PTPN13: variants seen among roughly 807,000 people sequenced by gnomAD.
The protein encoded by PTPN13 is protein tyrosine phosphatase non-receptor type 13, also known as tyrosine-protein phosphatase non-receptor type 13.
Under a neutral mutation model 284.0 loss-of-function variants are expected in PTPN13, and 191 were observed. The observed-to-expected ratio is 0.67, with a 90% CI of 0.60 to 0.76. The LOEUF is 0.76. PTPN13 is among the 30% of genes least tolerant of loss of function. PTPN13 has a pLI of 0.00. For missense variants in PTPN13, 2,797 were observed against 2,939.9 expected (o/e 0.95, Z 1.12); for synonymous variants, 986 against 1,022.3 (o/e 0.96, Z 0.68).
At chr4:86,779,888 A>G (rs962593121) in intron 35 of PTPN13, among the ~76,000 whole-genome samples, 39 of 152,174 alleles carry the variant, frequency 2.6e-4, no homozygotes, top group African/African-American at 9.4e-4. Context: ...CTTTAATTTA[A>G]AAGAAAAACA....
At chr4:86,793,892 A>G (rs1742986725) in intron 40 of PTPN13, among the ~76,000 whole-genome samples, 1 of 145,582 alleles carries the variant, frequency 6.9e-6, no homozygotes, top group Non-Finnish European at 1.5e-5. Context: ...AATCCCCACA[A>G]GAGAAAGAAG....
rs934605257 is a variant in PTPN13 at position 86,731,471 on chromosome 4, G to A, written c.1609-929G>A. On this transcript the variant is annotated intron_variant, in intron 10 of 47. Transcript: ENST00000411767. ...TTTCCTGAAATATTTTCTTGCTGGG[G>A]ACATTGGCAGGGGTCAGAGACTATG... Among the ~76,000 whole-genome samples the A allele has an allele frequency of 2.0e-5, 3 of 152,258 alleles. No homozygotes were observed. In the East Asian group the frequency reaches 5.8e-4, roughly 29 times the overall value.
intron 2 of PTPN13, among the ~76,000 whole-genome samples, chr4:86,670,006 G>T (rs1022799323): frequency 2.0e-5 from 3 of 151,762 alleles, no homozygotes; most frequent in African/African-American, 7.3e-5. Flanking sequence ...ATTGGCAGTA[G>T]TGAGCGAAAG....
intron 37 of PTPN13, 140 bp from the exon 38 acceptor site, chr4:86,784,325 T>G: frequency 1.7e-6 from 1 of 571,640 alleles, no homozygotes; most frequent in Non-Finnish European, 3.0e-6. Context: ...TGATATTTCC[T>G]TTCAAACACT....
chr4:86,794,443 A>G lies in PTPN13; in HGVS notation c.6346-2431A>G, dbSNP rs180763167. On this transcript the variant is annotated intron_variant, in intron 40 of 47. Transcript: ENST00000411767. ...ACATTCCATGCTCATGGATAGGAAG[A>G]ATCAATATCGTGAAAATGGCCATAC... is the stretch of plus-strand genomic sequence containing the variant. Among the ~76,000 whole-genome samples, 736 of 152,342 alleles carry G rather than the reference A, an allele frequency of 4.8e-3. 5 individuals are homozygous for G. The highest frequency in any genetic ancestry group is 0.016 in the African/African-American group (674 of 41,568).
At chr4:86,707,963 C>G (rs1010145639) in intron 7 of PTPN13, among the ~76,000 whole-genome samples, 14 of 152,104 alleles carry the variant, frequency 9.2e-5, no homozygotes, top group African/African-American at 3.4e-4. Context: ...TAGATAGAAT[C>G]AACATCTTAG....
chr4:86,784,408 C>T (rs952473417), intron 37 of PTPN13, 57 bp from the exon 38 acceptor site: 13 of 1,198,158 alleles, frequency 1.1e-5, no homozygotes, highest in Admixed American at 4.7e-5. Context: ...TGCAGTCCCC[C>T]GATCCTGGAA....
At chr4:86,651,266 A>C (rs1053666241) in intron 2 of PTPN13, among the ~76,000 whole-genome samples, 2 of 152,204 alleles carry the variant, frequency 1.3e-5, no homozygotes, top group African/African-American at 4.8e-5. Flanking sequence ...GATGAATCCC[A>C]CTTGAACATA....
chr4:86,710,100 G>A (rs958548823), intron 7 of PTPN13, among the ~76,000 whole-genome samples: 1 of 152,056 alleles, frequency 6.6e-6, no homozygotes, highest in Admixed American at 6.6e-5. Flanking sequence ...CTCCCATAAA[G>A]GAAGCATAGA....
At chr4:86,724,138 T>A (rs980858174) in intron 10 of PTPN13, among the ~76,000 whole-genome samples, 1 of 152,236 alleles carries the variant, frequency 6.6e-6, no homozygotes, top group Non-Finnish European at 1.5e-5. Flanking sequence ...AAATGTGGAA[T>A]TGGATTGTAG....
chr4:86,767,712 A>G, intron 27 of PTPN13, 105 bp from the exon 28 acceptor site: 1 of 873,168 alleles, frequency 1.1e-6, no homozygotes. Flanking sequence ...CAAATTTGGT[A>G]GTTACTTTAA....
At chr4:86,803,074 G>GTA (rs386400718) in intron 42 of PTPN13, among the ~76,000 whole-genome samples, 1 of 151,032 alleles carries the variant, frequency 6.6e-6, no homozygotes, top group African/African-American at 2.4e-5. Flanking sequence ...CTGTGTGTGT[G>GTA]TGTGTGTGTG....
intron 1 of PTPN13, among the ~76,000 whole-genome samples, chr4:86,607,063 T>C (rs1177585304): frequency 2.0e-5 from 3 of 151,888 alleles, no homozygotes; most frequent in Non-Finnish European, 4.4e-5. Flanking sequence ...GACTTAAAAA[T>C]TTGATTCTGT....
intron 32 of PTPN13, among the ~76,000 whole-genome samples, chr4:86,773,695 T>G (rs892011848): frequency 1.7e-5 from 2 of 119,508 alleles, no homozygotes; most frequent in Non-Finnish European, 3.8e-5. Flanking sequence ...CCAGTTACCC[T>G]TTTTTTTTTG....
intron 2 of PTPN13, among the ~76,000 whole-genome samples, chr4:86,644,337 G>A (rs189946330): frequency 2.6e-5 from 4 of 152,064 alleles, no homozygotes; most frequent in African/African-American, 9.6e-5. Flanking sequence ...ATGGAATTTC[G>A]CCATGTTTGC....
chr4:86,780,172 G>T (rs898357170), intron 35 of PTPN13, among the ~76,000 whole-genome samples: 1 of 152,082 alleles, frequency 6.6e-6, no homozygotes, highest in African/African-American at 2.4e-5. Flanking sequence ...GCCTAGGCAG[G>T]TGGATTGCTT....
intron 2 of PTPN13, among the ~76,000 whole-genome samples, chr4:86,646,992 C>A (rs914373984): frequency 6.6e-6 from 1 of 152,122 alleles, no homozygotes; most frequent in African/African-American, 2.4e-5. Context: ...TGATTCTAAT[C>A]TAAAATTCTA....
intron 40 of PTPN13, among the ~76,000 whole-genome samples, chr4:86,792,801 G>A (rs1742839145): frequency 6.6e-6 from 1 of 152,162 alleles, no homozygotes; most frequent in Non-Finnish European, 1.5e-5. Flanking sequence ...TTGCAGACAA[G>A]CAAATGCTAA....
chr4:86,734,561 C>T, intron 13 of PTPN13, 105 bp downstream of exon 13: 4 of 1,282,804 alleles, frequency 3.1e-6, no homozygotes, highest in Non-Finnish European at 4.2e-6. Flanking sequence ...ATAATGTCTG[C>T]TTTATCATAA....
Sources: allele counts gnomAD v4.1 joint callset (sites outside exome capture counted in the v4.1 genomes callset), GRCh38; gene constraint gnomAD v4.1.1; transcripts MANE v1.5; gene names NCBI Gene and HGNC (gene_info 2026-07-23, HGNC 2026-07-21).